Variants in PPARGC1A observed in about 807,000 individuals in gnomAD.
PPARGC1A encodes peroxisome proliferator-activated receptor gamma coactivator 1-alpha.
PPARGC1A carries 25 observed loss-of-function variants against 88.7 expected under a neutral mutation model. The ratio of observed to expected loss-of-function variants is 0.28; its 90% CI spans 0.21 to 0.39. The LOEUF (loss-of-function observed/expected upper bound fraction) is 0.39. Ranked by LOEUF, PPARGC1A falls within the 10% of genes least tolerant of loss-of-function variation. The probability of loss-of-function intolerance (pLI) is 1.00; values close to 1 mark genes in which losing one functional copy is unlikely to be tolerated. For synonymous variants in PPARGC1A, 363 were observed against 355.6 expected (o/e 1.02, Z -0.24); for missense variants, 880 against 968.7 (o/e 0.91, Z 1.22).
chr4:24,294,628 T>C, the PPARGC1A span, among the ~76,000 whole-genome samples: 6 of 152,304 alleles, frequency 3.9e-5, no homozygotes, highest in African/African-American at 1.4e-4. Flanking sequence ...TAAAGAATTA[T>C]TAGCCTTTGG....
the PPARGC1A span, among the ~76,000 whole-genome samples, chr4:24,018,517 A>G: frequency 6.6e-6 from 1 of 152,110 alleles, no homozygotes; most frequent in Non-Finnish European, 1.5e-5. Context: ...ACCATGCCTC[A>G]CCCTGCCCAT....
chr4:24,412,146 T>C, the PPARGC1A span, among the ~76,000 whole-genome samples: 1 of 152,308 alleles, frequency 6.6e-6, no homozygotes, highest in Admixed American at 6.5e-5. Flanking sequence ...TGAATGAAAG[T>C]TCCTGTTGCT....
At chr4:24,072,353 T>C in the PPARGC1A span, among the ~76,000 whole-genome samples, 5 of 151,816 alleles carry the variant, frequency 3.3e-5, no homozygotes, top group Admixed American at 3.3e-4. Flanking sequence ...TGAGTTTTAG[T>C]CATCCATATT....
the PPARGC1A span, among the ~76,000 whole-genome samples, chr4:24,278,676 C>T: frequency 6.6e-6 from 1 of 152,196 alleles, no homozygotes; most frequent in Non-Finnish European, 1.5e-5. Context: ...CCTTTCTTCT[C>T]GTGGCTCCAA....
chr4:23,913,041 G>A, the PPARGC1A span, among the ~76,000 whole-genome samples: 2 of 147,998 alleles, frequency 1.4e-5, no homozygotes, highest in Middle Eastern at 3.5e-3. Flanking sequence ...TCCTGACCTC[G>A]TGATCCGCCC....
chr4:24,424,274 T>TTTTTTTG, the PPARGC1A span, among the ~76,000 whole-genome samples: 1 of 122,894 alleles, frequency 8.1e-6, no homozygotes, highest in Non-Finnish European at 1.7e-5. Flanking sequence ...TTTTTTTTTT[T>TTTTTTTG]TTTTTTTTTT....
At chr4:24,426,393 C>A in the PPARGC1A span, among the ~76,000 whole-genome samples, 1 of 152,190 alleles carries the variant, frequency 6.6e-6, no homozygotes, top group Non-Finnish European at 1.5e-5. Flanking sequence ...AAACTTCAAT[C>A]TCCTTGACAG....
the PPARGC1A span, among the ~76,000 whole-genome samples, chr4:24,348,893 A>G: frequency 2.0e-5 from 3 of 152,046 alleles, no homozygotes; most frequent in East Asian, 5.8e-4. Flanking sequence ...TCATATTACC[A>G]AGGTTGGTTT....
At chr4:24,347,723 CT>C in the PPARGC1A span, among the ~76,000 whole-genome samples, 3 of 152,108 alleles carry the variant, frequency 2.0e-5, no homozygotes, top group Non-Finnish European at 2.9e-5. Context: ...AGTTCTGTAT[CT>C]TTTAAGTGGA....
the PPARGC1A span, among the ~76,000 whole-genome samples, chr4:23,959,618 C>G: frequency 2.0e-5 from 3 of 152,060 alleles, no homozygotes; most frequent in Admixed American, 6.6e-5. Context: ...AAGATGCCAA[C>G]AGGAATATAA....
the PPARGC1A span, among the ~76,000 whole-genome samples, chr4:24,390,923 A>G: frequency 6.6e-6 from 1 of 152,084 alleles, no homozygotes; most frequent in Non-Finnish European, 1.5e-5. Context: ...ATATTGCCTT[A>G]AAATATCAGA....
chr4:24,170,657 C>T, the PPARGC1A span, among the ~76,000 whole-genome samples: 1 of 152,270 alleles, frequency 6.6e-6, no homozygotes, highest in Non-Finnish European at 1.5e-5. Flanking sequence ...AAATCTCCTT[C>T]ACTCAGACAT....
At chr4:24,226,750 A>G in the PPARGC1A span, among the ~76,000 whole-genome samples, 1 of 152,182 alleles carries the variant, frequency 6.6e-6, no homozygotes, top group Non-Finnish European at 1.5e-5. Flanking sequence ...GGAAAAATGA[A>G]GATAATTAGT....
chr4:23,932,051 G>A, the PPARGC1A span, among the ~76,000 whole-genome samples: 7 of 152,320 alleles, frequency 4.6e-5, no homozygotes, highest in African/African-American at 1.7e-4. Context: ...TGTAACAGGA[G>A]TTGCCATAGT....
intron 7 of PPARGC1A, among the ~76,000 whole-genome samples, chr4:23,816,092 G>C (rs1230810550): frequency 3.3e-5 from 5 of 152,154 alleles, no homozygotes; most frequent in African/African-American, 1.2e-4. Context: ...ATTATTCAAA[G>C]CTAATTCTCC....
the PPARGC1A span, among the ~76,000 whole-genome samples, chr4:24,320,019 A>AC: frequency 6.6e-6 from 1 of 152,212 alleles, no homozygotes. Flanking sequence ...TGCAGAAAAT[A>AC]CCGACATCAG....
At chr4:23,823,969 C>T (rs1028189451) in intron 7 of PPARGC1A, among the ~76,000 whole-genome samples, 8 of 152,240 alleles carry the variant, frequency 5.3e-5, no homozygotes, top group Admixed American at 2.6e-4. Flanking sequence ...AGACATCCCA[C>T]GACTCACTTT....
the PPARGC1A span, among the ~76,000 whole-genome samples, chr4:24,384,083 A>T: frequency 6.6e-6 from 1 of 152,310 alleles, no homozygotes; most frequent in South Asian, 2.1e-4. Context: ...AATATTCAAC[A>T]TTCTTAAAGA....
the PPARGC1A span, among the ~76,000 whole-genome samples, chr4:24,253,164 G>A: frequency 6.6e-6 from 1 of 152,108 alleles, no homozygotes; most frequent in Non-Finnish European, 1.5e-5. Flanking sequence ...TTTATATTGA[G>A]GGTATTCTAA....
Sources: gnomAD v4.1 joint callset for allele counts (sites outside exome capture counted in the v4.1 genomes callset) on GRCh38, gnomAD v4.1.1 for gene constraint, MANE v1.5 for transcripts, NCBI Gene and HGNC (gene_info 2026-07-23, HGNC 2026-07-21) for gene names.